The following DNAJC18 variants were observed in gnomAD, a reference collection of about 807,000 sequenced individuals.
DNAJC18 encodes the protein dnaJ homolog subfamily C member 18.
In DNAJC18, 40 loss-of-function variants were observed where a neutral mutation model predicts 48.6. That is an observed-to-expected ratio of 0.82 (90% CI 0.64 to 1.07). The LOEUF (loss-of-function observed/expected upper bound fraction) is 1.07. DNAJC18 is among the 50% of genes least tolerant of loss of function. The pLI, the probability that DNAJC18 is intolerant of heterozygous loss-of-function variation, is 0.00. For missense variants in DNAJC18, 340 were observed against 427.7 expected (o/e 0.79, Z 1.81); for synonymous variants, 135 against 152.2 (o/e 0.89, Z 0.83).
chr5:139,431,661 A>G (rs1759331701), intron 2 of DNAJC18, among the ~76,000 whole-genome samples: 1 of 152,192 alleles, frequency 6.6e-6, no homozygotes, highest in Admixed American at 6.5e-5. Flanking sequence ...TGCTATGGAC[A>G]TTCATGTACA....
chr5:139,429,284 A>G (rs1267035125), intron 2 of DNAJC18, among the ~76,000 whole-genome samples: 2 of 151,950 alleles, frequency 1.3e-5, no homozygotes, highest in East Asian at 3.9e-4. Context: ...GGGTTTCACC[A>G]TATTGGTTAG....
chr5:139,415,573 C>A (rs1295826393), intron 7 of DNAJC18, among the ~76,000 whole-genome samples: 1 of 152,226 alleles, frequency 6.6e-6, no homozygotes, highest in Non-Finnish European at 1.5e-5. Flanking sequence ...GTGCCTGCAG[C>A]GCCTGCTAGC....
intron 2 of DNAJC18, among the ~76,000 whole-genome samples, chr5:139,431,439 TA>T (rs924774694): frequency 1.6e-4 from 24 of 152,188 alleles, no homozygotes; most frequent in African/African-American, 5.8e-4. Context: ...ATATTTTACA[TA>T]AAAGGAGTTA....
At chr5:139,415,239 G>A (rs888531676) in intron 7 of DNAJC18, among the ~76,000 whole-genome samples, 17 of 152,130 alleles carry the variant, frequency 1.1e-4, no homozygotes, top group African/African-American at 3.9e-4. Flanking sequence ...TTGGTGGAAC[G>A]AAAGACACCT....
chr5:139,420,332 G>A, intron 6 of DNAJC18, 107 bp from the exon 7 acceptor site: 1 of 1,155,898 alleles, frequency 8.7e-7, no homozygotes, highest in South Asian at 1.6e-5. Flanking sequence ...TAGAGCAGAG[G>A]CAGATATCAT....
intron 6 of DNAJC18, among the ~76,000 whole-genome samples, chr5:139,422,100 A>C (rs1759163061): frequency 6.6e-6 from 1 of 152,116 alleles, no homozygotes; most frequent in Admixed American, 6.5e-5. Flanking sequence ...AATTCAATGG[A>C]TATGGAGGGG....
chr5:139,437,630 T>C (rs1444756686), intron 1 of DNAJC18, 72 bp from the exon 2 acceptor site: 5 of 1,516,222 alleles, frequency 3.3e-6, no homozygotes, highest in Non-Finnish European at 4.4e-6. Flanking sequence ...GCCTTTCCTC[T>C]CTGGGAGGCT....
chr5:139,438,788 G>A (rs1340379141), intron 1 of DNAJC18, among the ~76,000 whole-genome samples: 4 of 152,124 alleles, frequency 2.6e-5, no homozygotes, highest in Non-Finnish European at 5.9e-5. Context: ...CCAAATCCCT[G>A]ACCTTGCTGT....
chr5:139,418,885 T>A, intron 7 of DNAJC18: 1 of 456,102 alleles, frequency 2.2e-6, no homozygotes, highest in Non-Finnish European at 4.4e-6. Flanking sequence ...CAGTCCATAG[T>A]CTTGCAGGGG....
At chr5:139,426,391 A>G (rs768145785) in intron 3 of DNAJC18, 34 bp from the exon 4 acceptor site, 2 of 1,608,910 alleles carry the variant, frequency 1.2e-6, no homozygotes, top group Admixed American at 1.7e-5. Context: ...ATGAGGACAC[A>G]GTCTTTGCTA....
chr5:139,416,238 A>G lies in DNAJC18; in HGVS notation c.953-1966T>C, dbSNP rs1306871708. On this transcript the variant is annotated intron_variant, in intron 7 of 7. Transcript: ENST00000302060. ...CAATAAATTCTAAGTAATTAAAAAA[A>G]ATTTTGGGGAGTGGCAGGTTCCAGA... Among the ~76,000 whole-genome samples the G allele has an allele frequency of 2.0e-5, 3 of 152,226 alleles. 1 individual carries two copies. The highest frequency in any genetic ancestry group is 4.4e-5 in the Non-Finnish European group (3 of 68,044).
chr5:139,439,522 G>T lies in DNAJC18; in HGVS notation c.-77C>A, dbSNP rs1750751543. On this transcript the variant is annotated 5_prime_UTR_variant, in exon 1 of 8. Transcript: ENST00000302060. The surrounding 1 kb of genome is among the most constrained non-coding windows in gnomAD (Gnocchi z 4.1). Reference sequence around the variant, plus strand: ...AAGAGAAGGGGGCGCGGAGCGCGGGGCACGCTGGTCATTGTAGTCCAGTCC... The same window carrying T: ...AAGAGAAGGGGGCGCGGAGCGCGGGTCACGCTGGTCATTGTAGTCCAGTCC... 10 of 1,607,890 alleles carry T rather than the reference G, an allele frequency of 6.2e-6. No homozygotes were observed. Among genetic ancestry groups the T allele is most frequent in the African/African-American group, 1.3e-5 (1 of 74,822 alleles).
chr5:139,428,810 C>T (rs1317813264), intron 2 of DNAJC18, 127 bp from the exon 3 acceptor site: 12 of 1,137,446 alleles, frequency 1.1e-5, no homozygotes, highest in Admixed American at 5.2e-5. Context: ...TTAGTGCACA[C>T]GTTAATGAAA....
intron 3 of DNAJC18, among the ~76,000 whole-genome samples, chr5:139,427,312 G>A (rs967866476): frequency 2.6e-5 from 4 of 151,980 alleles, no homozygotes; most frequent in Admixed American, 6.6e-5. Flanking sequence ...ATGTACAGAC[G>A]TGCAAACCTT....
Position 139,420,182 on chromosome 5 carries a change from C to T in DNAJC18, c.823G>A (p.Val275Met), listed in dbSNP as rs920629925. ...AAGTTTTTATCCACAAAGTAAGGCA[C>T]CTGCAGGTTCTGAGTTTCTCTAGAA... ...TISRETQNLQ[V>M]PYFVDKNFDK... The change falls in exon 7 of 8, where the codon GTG (valine) becomes ATG (methionine). Residue 275 changes from valine (V) to methionine (M), a missense_variant. Physicochemically the swap from Val to Met is conservative, Grantham distance 21. Coordinates refer to ENST00000302060, the MANE Select transcript of DNAJC18 (RefSeq NM_152686.4). The T allele has an allele frequency of 6.2e-7, 1 of 1,611,840 alleles. No homozygotes were observed. Among genetic ancestry groups the T allele is most frequent in the Non-Finnish European group, 8.5e-7 (1 of 1,179,432 alleles).
chr5:139,437,621 C>T, intron 1 of DNAJC18, 63 bp from the exon 2 acceptor site: 3 of 1,543,630 alleles, frequency 1.9e-6, no homozygotes, highest in Non-Finnish European at 2.6e-6. Flanking sequence ...TTGCAACCTG[C>T]CTTTCCTCTC....
chr5:139,412,143 C>T lies in DNAJC18; in HGVS notation c.*2005G>A, dbSNP rs1270323160. ...CCCCAATCTTTACCTGTGAACCCAT[C>T]TCCTGACTCTGTGGAATGCCTGCAG... On this transcript the variant is annotated 3_prime_UTR_variant, in exon 8 of 8. Coordinates refer to ENST00000302060, the MANE Select transcript of DNAJC18 (RefSeq NM_152686.4). 2.0e-5 allele frequency: 3 copies of T among 152,214 alleles called. No homozygotes were observed. Among genetic ancestry groups the T allele is most frequent in the Admixed American group, 6.5e-5 (1 of 15,282 alleles). 9.4% of individuals were successfully genotyped at this position (152,214 alleles called of 1,614,324 possible). A position where few individuals can be genotyped will look rare whatever the true frequency, so the allele number is the denominator to read the frequency against.
intron 6 of DNAJC18, 115 bp from the exon 7 acceptor site, chr5:139,420,340 C>A (rs1272114235): frequency 4.7e-6 from 5 of 1,064,986 alleles, no homozygotes; most frequent in Non-Finnish European, 6.6e-6. Context: ...AGGCAGATAT[C>A]ATTTTCTAAT....
intron 3 of DNAJC18, among the ~76,000 whole-genome samples, chr5:139,427,603 G>A (rs186931300): frequency 3.9e-4 from 60 of 152,088 alleles, no homozygotes; most frequent in African/African-American, 1.3e-3. Flanking sequence ...CAGATATTAC[G>A]TCACCTTGCC....
Sources: gnomAD v4.1 joint callset for allele counts (sites outside exome capture counted in the v4.1 genomes callset) on GRCh38, gnomAD v4.1.1 for gene constraint, Gnocchi (gnomAD v3.1) non-coding constraint, MANE v1.5 for transcripts, NCBI Gene and HGNC (gene_info 2026-07-23, HGNC 2026-07-21) for gene names.